CEP152: variants seen among roughly 807,000 people sequenced by gnomAD.
The protein encoded by CEP152 is centrosomal protein 152, also known as centrosomal protein of 152 kDa.
A neutral mutation model predicts 188.9 loss-of-function variants in CEP152; 132 were observed. That is an observed-to-expected ratio of 0.70 (90% CI 0.61 to 0.81). The LOEUF is 0.81. Among genes scored for constraint, CEP152 ranks in the 30% least tolerant of loss-of-function variants. CEP152 has a pLI of 0.00. For synonymous variants in CEP152, 649 were observed against 666.6 expected, an observed-to-expected ratio of 0.97 and a Z score of 0.41; for missense variants, 1,914 against 1,969.8, an observed-to-expected ratio of 0.97 and a Z score of 0.54.
intron 17 of CEP152, 101 bp from the exon 18 acceptor site, chr15:48,762,773 A>G (rs940382727): frequency 8.9e-7 from 1 of 1,128,790 alleles, no homozygotes; most frequent in African/African-American, 1.5e-5. Flanking sequence ...GTGTTTGAAA[A>G]CCATCTAGAT....
chr15:48,738,312 T>A lies in CEP152; in HGVS notation c.5070A>T (p.Leu1690Phe). 1 of 1,614,030 alleles carries A rather than the reference T, an allele frequency of 6.2e-7. No homozygotes were observed. Among genetic ancestry groups the A allele is most frequent in the Non-Finnish European group, 8.5e-7 (1 of 1,179,922 alleles). Reference protein sequence around the residue: ...SSVCQQPSRKLIVPLSSQQDS... With the variant: ...SSVCQQPSRKFIVPLSSQQDS... Reference sequence around the variant, plus strand: ...CTTGTTGGCTAGATAGCGGAACAATTAATTTTCTTGAAGGCTGCTGACACA... The same window carrying A: ...CTTGTTGGCTAGATAGCGGAACAATAAATTTTCTTGAAGGCTGCTGACACA... The change falls in exon 27 of 27, where the codon TTA (leucine) becomes TTT (phenylalanine). Residue 1690 changes from leucine to phenylalanine, a missense_variant. Physicochemically the swap from Leu to Phe is conservative, Grantham distance 22. Coordinates refer to ENST00000380950, the MANE Select transcript of CEP152 (RefSeq NM_001194998.2).
rs781049946 is a variant in CEP152, at chr15:48,768,206, A to C, written c.2018+13T>G. On this transcript the variant is annotated intron_variant, in intron 15 of 26. Coordinates refer to ENST00000380950, the MANE Select transcript of CEP152 (RefSeq NM_001194998.2). ...CCCAGGAGACAGTCGTCAGGCATCT[A>C]TATAGACCTTACCTATCCACAGCTT... 24 of 1,509,442 alleles carry C rather than the reference A, an allele frequency of 1.6e-5. No homozygotes were observed. In the South Asian group the frequency reaches 2.7e-4, roughly 17 times the overall value. 93.5% of individuals were successfully genotyped at this position (1,509,442 alleles called of 1,614,324 possible). A position where few individuals can be genotyped will look rare whatever the true frequency, so the allele number is the denominator to read the frequency against.
In CEP152 at chr15:48,760,150, G is replaced by A. The variant is rs747560173; in HGVS notation, c.2679C>T (p.Val893=). The change falls in exon 19 of 27, where the codon GTC becomes GTT. Residue 893 remains valine, a synonymous_variant. Coordinates refer to ENST00000380950, the MANE Select transcript of CEP152 (RefSeq NM_001194998.2). Reference sequence around the variant, plus strand: ...GAGCTCTTACCCTTTTGTTCACAGAGACCTCATGCTGTTCTTCCCACTTTT... The same window carrying A: ...GAGCTCTTACCCTTTTGTTCACAGAAACCTCATGCTGTTCTTCCCACTTTT... ...EQKKWEEQHE[V]SVNKRISFAV... 2 of 1,613,980 alleles carry A rather than the reference G, an allele frequency of 1.2e-6. No homozygotes were observed. The highest frequency in any genetic ancestry group is 1.1e-5 in the South Asian group (1 of 91,076).
chr15:48,743,794 C>T (rs1893201461), intron 24 of CEP152, among the ~76,000 whole-genome samples: 2 of 151,750 alleles, frequency 1.3e-5, no homozygotes, highest in Non-Finnish European at 2.9e-5. Flanking sequence ...ATCCAGGAGG[C>T]GGAGGTTGCA....
Position 48,738,945 on chromosome 15 carries a change from T to C in CEP152, c.4437A>G (p.Lys1479=), listed in dbSNP as rs1454429857. The C allele has an allele frequency of 6.2e-7, 1 of 1,613,996 alleles. No individual in the cohort carries two copies. The highest frequency in any genetic ancestry group is 8.5e-7 in the Non-Finnish European group (1 of 1,179,902). Residue 1479 remains lysine, a synonymous_variant, in exon 27 of 27, where the codon AAA becomes AAG. Coordinates refer to ENST00000380950, the MANE Select transcript of CEP152 (RefSeq NM_001194998.2). ...CAGAACCATTATCACTGAGTAGGTC[T>C]TTCTTCTTGTGCAAACCAAAGCCTC... The part of the protein sequence containing the change: ...GEGGFGLHKK[K]DLLSDNGSES...
At chr15:48,768,884 A>T (rs1895317209) in intron 14 of CEP152, 72 bp downstream of exon 14, 1 of 1,181,212 alleles carries the variant, frequency 8.5e-7, no homozygotes, top group African/African-American at 1.6e-5. Context: ...ATTTGCAAAA[A>T]CTCTATTATA....
chr15:48,731,831 C>A (rs1459969814), intron 2 of CEP152, among the ~76,000 whole-genome samples: 1 of 152,030 alleles, frequency 6.6e-6, no homozygotes, highest in East Asian at 1.9e-4. Flanking sequence ...ACTTAAACAA[C>A]CCCAACAAGA....
At chr15:48,771,991 A>C (rs938245350) in intron 13 of CEP152, among the ~76,000 whole-genome samples, 8 of 152,210 alleles carry the variant, frequency 5.3e-5, no homozygotes, top group Admixed American at 5.2e-4. Flanking sequence ...AAGTCTAAAA[A>C]TTGTAAGTCA....
chr15:48,799,955 C>T (rs1400624223), intron 2 of CEP152, among the ~76,000 whole-genome samples: 1 of 152,078 alleles, frequency 6.6e-6, no homozygotes, highest in Non-Finnish European at 1.5e-5. Flanking sequence ...AGTAAAGACT[C>T]CTGAACAGAA....
At chr15:48,784,660 TC>T (rs1300267610) in intron 9 of CEP152, among the ~76,000 whole-genome samples, 1 of 152,182 alleles carries the variant, frequency 6.6e-6, no homozygotes, top group African/African-American at 2.4e-5. Flanking sequence ...TCTGTTTCTT[TC>T]TTATCTTTCT....
chr15:48,754,562 G>A (rs892690172), intron 20 of CEP152, among the ~76,000 whole-genome samples: 2 of 151,962 alleles, frequency 1.3e-5, no homozygotes, highest in Non-Finnish European at 2.9e-5. Context: ...AGTATTCATG[G>A]GAAGTGATCT....
Position 48,767,192 on chromosome 15 carries a change from C to A in CEP152, c.2148G>T (p.Arg716Ser), listed in dbSNP as rs1341182374. 29 of 1,613,670 alleles carry A rather than the reference C, an allele frequency of 1.8e-5. No homozygotes were observed. The Admixed American group carries it at 3.7e-4, about 20-fold the overall frequency. Residue 716 changes from arginine to serine, a missense_variant and splice_region_variant, in exon 17 of 27, where the codon AGG (arginine) becomes AGT (serine). Coordinates refer to ENST00000380950, the MANE Select transcript of CEP152 (RefSeq NM_001194998.2). ...EAYERTHLQLRSELDKLNKEV... is the reference protein window; with the variant it reads ...EAYERTHLQLSSELDKLNKEV... ...CCTTATTCAACTTATCCAACTCAGA[C>A]CTTGGATACACAAAACCAGCAACTA...
At chr15:48,763,043 CA>C (rs1894808535) in intron 17 of CEP152, among the ~76,000 whole-genome samples, 1 of 151,730 alleles carries the variant, frequency 6.6e-6, no homozygotes, top group Non-Finnish European at 1.5e-5. Flanking sequence ...ATGCTCTCCA[CA>C]AAGGACCGAG....
intron 6 of CEP152, among the ~76,000 whole-genome samples, chr15:48,795,714 C>T (rs1274206518): frequency 3.9e-5 from 6 of 151,978 alleles, no homozygotes; most frequent in African/African-American, 1.5e-4. Flanking sequence ...CTCCACGAAC[C>T]CATCTCCCAG....
At chr15:48,765,234 G>T (rs903288561) in intron 17 of CEP152, among the ~76,000 whole-genome samples, 1 of 152,126 alleles carries the variant, frequency 6.6e-6, no homozygotes, top group Non-Finnish European at 1.5e-5. Context: ...CAAAAAGATA[G>T]CAAAAGGGAG....
At chr15:48,810,886 C>A (rs1442132488) in intron 1 of CEP152, 75 bp downstream of exon 1, 1 of 152,648 alleles carries the variant, frequency 6.6e-6, no homozygotes, top group Non-Finnish European at 1.5e-5. Flanking sequence ...CCCCCAGGAA[C>A]CCTCAGCCAG....
At chr15:48,792,350 A>G (rs1209811609) in intron 7 of CEP152, among the ~76,000 whole-genome samples, 1 of 152,200 alleles carries the variant, frequency 6.6e-6, no homozygotes, top group Non-Finnish European at 1.5e-5. Flanking sequence ...CTTTGCTATA[A>G]CAGCTCACAA....
At chr15:48,794,938 A>G (rs781714926) in intron 6 of CEP152, among the ~76,000 whole-genome samples, 11 of 152,206 alleles carry the variant, frequency 7.2e-5, no homozygotes, top group Non-Finnish European at 1.5e-4. Context: ...CGATGGAAGC[A>G]ACAATATGAA....
At chr15:48,761,962 G>A (rs768733957) in intron 18 of CEP152, among the ~76,000 whole-genome samples, 1 of 152,180 alleles carries the variant, frequency 6.6e-6, no homozygotes, top group Non-Finnish European at 1.5e-5. Flanking sequence ...GGGCACGCCT[G>A]CAGATCCAAC....
Sources: allele counts gnomAD v4.1 joint callset (sites outside exome capture counted in the v4.1 genomes callset), GRCh38; gene constraint gnomAD v4.1.1; transcripts MANE v1.5; gene names NCBI Gene and HGNC (gene_info 2026-07-23, HGNC 2026-07-21).